TTN: variants seen among roughly 807,000 people sequenced by gnomAD.
TTN encodes the protein connectin.
TTN carries 1,525 observed loss-of-function variants against 3,223.0 expected under a neutral mutation model. The ratio of observed to expected loss-of-function variants is 0.47; its 90% CI spans 0.45 to 0.49. TTN has a LOEUF of 0.49. Ranked by LOEUF, TTN falls within the 20% of genes least tolerant of loss-of-function variation. The pLI is 0.00. For missense variants in TTN, 40,786 were observed against 43,424.0 expected, an observed-to-expected ratio of 0.94 and a Z score of 5.40; for synonymous variants, 14,094 against 15,161.0, an observed-to-expected ratio of 0.93 and a Z score of 5.17.
chr2:178,664,980 A>T, intron 165 of TTN, 54 bp from the exon 166 acceptor site: 1 of 1,536,518 alleles, frequency 6.5e-7, no homozygotes, highest in Non-Finnish European at 8.8e-7. Context: ...AATGGAAAAC[A>T]GTAACCACAA....
In TTN at chr2:178,777,004, AG is replaced by A; in HGVS notation, c.4859del (p.Thr1620MetfsTer26). ...KGEAALKIDS[T>X]VSQDSAWYTA... is the part of the protein sequence containing the mutation. ...TATACCAGGCAGAATCTTGGCTGAC[AG>A]TGGAATCGATTTTAAGGGCAGCTTC... is the stretch of plus-strand genomic sequence containing the variant. On this transcript the variant is annotated frameshift_variant, in exon 28 of 363. Transcript: ENST00000589042. LOFTEE classifies it high-confidence loss of function. 1 of 1,614,066 alleles carries A rather than the reference AG, an allele frequency of 6.2e-7. No homozygotes were observed. The highest frequency in any genetic ancestry group is 8.5e-7 in the Non-Finnish European group (1 of 1,179,992).
chr2:178,753,956 T>C (rs772505687), intron 46 of TTN: 1 of 152,160 alleles, frequency 6.6e-6, no homozygotes, highest in Non-Finnish European at 1.5e-5. Context: ...TTAATACTTT[T>C]AGTGTCAGAA....
chr2:178,658,264 A>C lies in TTN; in HGVS notation c.37711+8T>G. On this transcript the variant is annotated splice_region_variant and intron_variant, in intron 185 of 362. Transcript: ENST00000589042. ...TCTTCTGCAGGATAAGGTTGAGCTG[A>C]CATGTACCTGTAACTGCGGGGGCTT... The C allele has an allele frequency of 1.0e-6, 1 of 982,812 alleles. No individual in the cohort carries two copies. Among genetic ancestry groups the C allele is most frequent in the Non-Finnish European group, 1.4e-6 (1 of 701,380 alleles). 60.9% of individuals were successfully genotyped at this position (982,812 alleles called of 1,614,324 possible). A position where few individuals can be genotyped will look rare whatever the true frequency, so the allele number is the denominator to read the frequency against.
intron 282 of TTN, among the ~76,000 whole-genome samples, 170 bp downstream of exon 282, chr2:178,603,706 G>A (rs1014655215): frequency 3.9e-5 from 6 of 152,032 alleles, no homozygotes; most frequent in Admixed American, 1.3e-4. Context: ...GTGCATGTAT[G>A]TATACACACA....
In TTN at chr2:178,564,217, A is replaced by C. The variant is rs1704785582; in HGVS notation, c.81915T>G (p.Pro27305=). ...LEADIRGKPI[P]DVVWSKDGKE... ...TTCCATCTTTTGACCAAACAACATC[A>C]GGTATAGGTTTGCCACGGATGTCGG... is the stretch of plus-strand genomic sequence containing the variant. Residue 27305 remains proline, a synonymous_variant, in exon 326 of 363, where the codon CCT becomes CCG. Coordinates refer to ENST00000589042, the MANE Select transcript of TTN (RefSeq NM_001267550.2). 3 of 1,613,558 alleles carry C rather than the reference A, an allele frequency of 1.9e-6. No homozygotes were observed. Among genetic ancestry groups the C allele is most frequent in the Non-Finnish European group, 2.5e-6 (3 of 1,179,788 alleles).
rs369200111 is a variant in TTN, at chr2:178,621,826, G to A, written c.45082+14C>T. 6.2e-7 allele frequency: 1 copy of A among 1,611,102 alleles called. No individual in the cohort carries two copies. The highest frequency in any genetic ancestry group is 1.3e-5 in the African/African-American group (1 of 74,698). ...CCAACACATATACTTCACAAAGAAT[G>A]ACTTTACTCTTACCCAGAACTGTCA... On this transcript the variant is annotated intron_variant, in intron 244 of 362. Coordinates refer to ENST00000589042, the MANE Select transcript of TTN (RefSeq NM_001267550.2).
chr2:178,745,315 C>A, intron 47 of TTN: 3 of 1,286,574 alleles, frequency 2.3e-6, no homozygotes, highest in Non-Finnish European at 3.0e-6. Flanking sequence ...GAAGTACAAA[C>A]AATTAGGTAG....
At position 178,634,803 on chromosome 2, in the gene TTN, T is replaced by G; in HGVS notation, c.42071A>C (p.His14024Pro). 3.1e-6 allele frequency: 5 copies of G among 1,612,872 alleles called. No homozygotes were observed. The highest frequency in any genetic ancestry group is 4.2e-6 in the Non-Finnish European group (5 of 1,179,362). Residue 14024 changes from histidine to proline, a missense_variant, in exon 229 of 363, where the codon CAC (histidine) becomes CCC (proline). By Grantham distance (77) the His-to-Pro change is moderately conservative. Coordinates refer to ENST00000589042, the MANE Select transcript of TTN (RefSeq NM_001267550.2). This position sits in a 1 kb window ranked among gnomAD's most constrained non-coding sequence, Gnocchi z 4.6. ...ACCAGCTTGGTCCAGTTTGACTTTG[T>G]GCAAAGTTAAGAAGCGTTTTCCACC... ...AEGGKRFLTL[H>P]KVKLDQAGEV...
Position 178,590,749 on chromosome 2 carries a change from C to T in TTN, c.60976G>A (p.Ala20326Thr), listed in dbSNP as rs370995867. Reference protein sequence around the residue: ...KWVRVNKTPIADLKFRVTGLY... With the variant: ...KWVRVNKTPITDLKFRVTGLY... ...CCAGTCACTCTGAACTTCAGGTCAG[C>T]GATAGGTGTTTTGTTGACCCTCACC... Residue 20326 changes from alanine to threonine, a missense_variant, in exon 304 of 363, where the codon GCT becomes ACT. Ala to Thr is a moderately conservative substitution (Grantham distance 58). Coordinates refer to ENST00000589042, the MANE Select transcript of TTN (RefSeq NM_001267550.2). 95 of 1,609,866 alleles carry T rather than the reference C, an allele frequency of 5.9e-5. 1 individual carries two copies. The highest frequency in any genetic ancestry group is 4.7e-4 in the Admixed American group (28 of 59,794).
rs376188859 is a variant in TTN at position 178,614,134 on chromosome 2, G to A, written c.49263C>T (p.Tyr16421=). Residue 16421 remains tyrosine (Y), a synonymous_variant, in exon 262 of 363, where the codon TAC becomes TAT. Coordinates refer to ENST00000589042, the MANE Select transcript of TTN (RefSeq NM_001267550.2). ...TGTTTTCTGCAGCAACTCTGAAGAT[G>A]TACTCTTTATTGGGGATTAATTTGG... is the stretch of plus-strand genomic sequence containing the variant. ...KATKLIPNKE[Y]IFRVAAENMY... is the part of the protein sequence containing the mutation. 3.5e-5 allele frequency: 57 copies of A among 1,612,352 alleles called. No homozygotes were observed. Among genetic ancestry groups the A allele is most frequent in the Non-Finnish European group, 4.6e-5 (54 of 1,179,264 alleles).
chr2:178,585,495 C>T (rs989770705), intron 308 of TTN, 148 bp from the exon 309 acceptor site: 25 of 836,346 alleles, frequency 3.0e-5, no homozygotes, highest in South Asian at 1.2e-4. Flanking sequence ...GCAGAATGTG[C>T]AGGCTTGTTA....
intron 240 of TTN, 62 bp from the exon 241 acceptor site, chr2:178,625,458 C>A: frequency 1.4e-6 from 2 of 1,439,780 alleles, no homozygotes; most frequent in South Asian, 3.3e-5. Context: ...GCATTTAATT[C>A]ATTTAGATAA....
At chr2:178,769,642 T>C in intron 37 of TTN, 37 bp downstream of exon 37, 1 of 1,307,930 alleles carries the variant, frequency 7.6e-7, no homozygotes, top group East Asian at 2.8e-5. Context: ...ATATTTTATA[T>C]ATATGTGTAT....
rs761141287 is a variant in TTN, at chr2:178,786,019, C to T, written c.2199G>A (p.Leu733=). 3.7e-6 allele frequency: 6 copies of T among 1,614,088 alleles called. No homozygotes were observed. In the South Asian group the frequency reaches 6.6e-5, roughly 18 times the overall value. ...LEESYAQQTT[L]EYGYKERISA... ...AAATGCGTTCCTTATATCCGTACTC[C>T]AAAGTGGTCTGCTGAGCATAGGATT... The change falls in exon 14 of 363, where the codon TTG becomes TTA. Residue 733 remains leucine (L), a synonymous_variant. Transcript: ENST00000589042.
Position 178,592,188 on chromosome 2 carries a change from C to T in TTN, c.59716G>A (p.Gly19906Ser). The stretch of plus-strand genomic sequence containing the variant: ...ACCACATAATTGGTAATAACAGAAC[C>T]ACCATCATCCAGTGGTTCTTTCCAA... ...LTWKEPLDDG[G>S]SVITNYVVER... The change falls in exon 302 of 363, where the codon GGT becomes AGT. Residue 19906 changes from glycine to serine, a missense_variant. Gly to Ser is a moderately conservative substitution (Grantham distance 56). Coordinates refer to ENST00000589042, the MANE Select transcript of TTN (RefSeq NM_001267550.2). 17 of 1,612,438 alleles carry T rather than the reference C, an allele frequency of 1.1e-5. No homozygotes were observed. The highest frequency in any genetic ancestry group is 1.4e-5 in the Non-Finnish European group (17 of 1,179,282).
Position 178,740,269 on chromosome 2 carries a change from T to C in TTN, c.12964A>G (p.Ile4322Val). Residue 4322 changes from isoleucine to valine, a missense_variant, in exon 48 of 363, where the codon ATT (isoleucine) becomes GTT (valine). Transcript: ENST00000589042. ...AATCTTAAGGACTTGCCTTCCTCAATTCTGACCGCAGAATCTTGCCCTGCA... is the reference window on the plus strand; with the variant it reads ...AATCTTAAGGACTTGCCTTCCTCAACTCTGACCGCAGAATCTTGCCCTGCA... ...ENAGQDSAVR[I>V]EEGKSLRFPL... 2 of 1,613,668 alleles carry C rather than the reference T, an allele frequency of 1.2e-6. No homozygotes were observed. Among genetic ancestry groups the C allele is most frequent in the Non-Finnish European group, 1.7e-6 (2 of 1,179,806 alleles).
rs1303591495 is a variant in TTN, at chr2:178,646,562, T to G, written c.40223-3A>C. 1 of 1,535,952 alleles carries G rather than the reference T, an allele frequency of 6.5e-7. No homozygotes were observed. The highest frequency in any genetic ancestry group is 1.2e-5 in the South Asian group (1 of 82,954). On this transcript the variant is annotated splice_region_variant and splice_polypyrimidine_tract_variant and intron_variant, in intron 215 of 362. Transcript: ENST00000589042. ...AATATACTTTTCAATTTCACGTTCT[T>G]TAAAGAATGTTGACAAAGGAGATGA... is the stretch of plus-strand genomic sequence containing the variant.
chr2:178,591,539 T>G, intron 303 of TTN, 35 bp from the exon 304 acceptor site: 3 of 1,584,030 alleles, frequency 1.9e-6, no homozygotes, highest in Non-Finnish European at 2.6e-6. Context: ...AGATTTTGAT[T>G]TTCACCTATA....
In TTN at chr2:178,569,094, C is replaced by T. The variant is rs1385780245; in HGVS notation, c.77038G>A (p.Glu25680Lys). 2 of 1,613,438 alleles carry T rather than the reference C, an allele frequency of 1.2e-6. No homozygotes were observed. The highest frequency in any genetic ancestry group is 1.7e-6 in the Non-Finnish European group (2 of 1,179,558). Residue 25680 changes from glutamate to lysine, a missense_variant, in exon 326 of 363, where the codon GAG (glutamate) becomes AAG (lysine). Physicochemically the swap from Glu to Lys is moderately conservative, Grantham distance 56. Transcript: ENST00000589042. The part of the protein sequence containing the change: ...SYYFRVTAEN[E>K]YGIGLPAQTA... Reference sequence around the variant, plus strand: ...TGGGCAGGAAGGCCAATACCATACTCATTCTCAGCTGTGACTCTAAAGTAA... The same window carrying T: ...TGGGCAGGAAGGCCAATACCATACTTATTCTCAGCTGTGACTCTAAAGTAA...
Sources: allele counts gnomAD v4.1 joint callset (sites outside exome capture counted in the v4.1 genomes callset), GRCh38; gene constraint gnomAD v4.1.1; non-coding constraint Gnocchi (gnomAD v3.1); transcripts MANE v1.5; gene names NCBI Gene and HGNC (gene_info 2026-07-23, HGNC 2026-07-21).